The following NAV2 variants were observed in gnomAD, a reference collection of about 807,000 sequenced individuals.
NAV2 encodes neuron navigator 2.
Under a neutral mutation model 223.2 loss-of-function variants are expected in NAV2, and 54 were observed. The ratio of observed to expected loss-of-function variants is 0.24; its 90% confidence interval spans 0.19 to 0.30. The LOEUF (loss-of-function observed/expected upper bound fraction) is 0.30, where lower values mean the gene tolerates loss of function less well. Ranked by LOEUF, NAV2 falls within the 10% of genes least tolerant of loss-of-function variation. The pLI, the probability that NAV2 is intolerant of heterozygous loss-of-function variation, is 1.00. For synonymous variants in NAV2, 1,279 were observed against 1,239.3 expected (o/e 1.03, Z -0.67); for missense variants, 2,806 against 3,147.5 (o/e 0.89, Z 2.60).
chr11:19,952,500 TG>T (rs1274500286), intron 10 of NAV2, among the ~76,000 whole-genome samples: 1 of 152,208 alleles, frequency 6.6e-6, no homozygotes, highest in Non-Finnish European at 1.5e-5. Flanking sequence ...TTAAAGCTTT[TG>T]TCCAGATGTT....
At chr11:19,477,089 T>A (rs2042140713) in intron 1 of NAV2, among the ~76,000 whole-genome samples, 2 of 152,166 alleles carry the variant, frequency 1.3e-5, no homozygotes, top group African/African-American at 4.8e-5. Flanking sequence ...ATATGGCCAG[T>A]CTTGGGTCAA....
chr11:20,033,882 G>A (rs1405580448), intron 11 of NAV2, among the ~76,000 whole-genome samples: 1 of 152,190 alleles, frequency 6.6e-6, no homozygotes, highest in Admixed American at 6.5e-5. Context: ...CATTTCCCAG[G>A]TTCCACGCTG....
chr11:19,361,705 G>A (rs2133792503), intron 1 of NAV2, among the ~76,000 whole-genome samples: 1 of 152,260 alleles, frequency 6.6e-6, no homozygotes, highest in South Asian at 2.1e-4. Flanking sequence ...ATCACTGGCA[G>A]GGCCTGCCAT....
chr11:19,859,727 G>T (rs2153005662), intron 3 of NAV2, among the ~76,000 whole-genome samples: 1 of 151,716 alleles, frequency 6.6e-6, no homozygotes, highest in African/African-American at 2.4e-5. Context: ...CCGGGCAGAG[G>T]CGCCCCTCAC....
At chr11:19,593,332 C>G (rs1404843044) in intron 1 of NAV2, among the ~76,000 whole-genome samples, 1 of 152,096 alleles carries the variant, frequency 6.6e-6, no homozygotes, top group Non-Finnish European at 1.5e-5. Context: ...GTCTATAGTT[C>G]ATTCCTCTGT....
chr11:19,449,656 T>G, intron 1 of NAV2, among the ~76,000 whole-genome samples: 2 of 151,822 alleles, frequency 1.3e-5, no homozygotes, highest in Admixed American at 6.6e-5. Context: ...GTGGGGTGCT[T>G]TTGTGACTTC....
Position 19,868,968 on chromosome 11 carries a change from G to A in NAV2, c.482G>A (p.Gly161Glu). 3 of 1,614,006 alleles carry A rather than the reference G, an allele frequency of 1.9e-6. No individual in the cohort carries two copies. Among genetic ancestry groups the A allele is most frequent in the Non-Finnish European group, 1.7e-6 (2 of 1,179,948 alleles). ...TGCTTGAATTTCCTGGCAGCTAAGG[G>A]AATAAACATCCAGGGGCTGTCTGCA... ...DACLNFLAAK[G>E]INIQGLSAEE... The change falls in exon 4 of 38, where the codon GGA (glycine) becomes GAA (glutamate). Residue 161 changes from glycine (G) to glutamate (E), a missense_variant. Gly to Glu is a moderately conservative substitution (Grantham distance 98). This residue lies in a region of NAV2 where 1,167 missense variants were observed against 1,180.5 expected (regional missense o/e 0.99). Coordinates refer to ENST00000349880, the MANE Select transcript of NAV2 (RefSeq NM_145117.5).
chr11:19,825,259 T>C (rs1306240660), intron 1 of NAV2, among the ~76,000 whole-genome samples: 1 of 110,890 alleles, frequency 9.0e-6, no homozygotes, highest in Admixed American at 1.4e-4. Flanking sequence ...ACCCCTGCAC[T>C]CCAGCCTGGG....
chr11:19,869,194 C>G (rs2062296307), intron 4 of NAV2, among the ~76,000 whole-genome samples, 197 bp downstream of exon 4: 1 of 152,172 alleles, frequency 6.6e-6, no homozygotes, highest in Non-Finnish European at 1.5e-5. Flanking sequence ...TTCAACCATA[C>G]CAGCCACCTC....
At chr11:19,991,866 C>G (rs2051370386) in intron 11 of NAV2, among the ~76,000 whole-genome samples, 1 of 152,162 alleles carries the variant, frequency 6.6e-6, no homozygotes, top group African/African-American at 2.4e-5. Context: ...CTCTCTCTGA[C>G]TCTCTGTTAT....
intron 1 of NAV2, chr11:19,759,925 A>G (rs1385760774): frequency 6.5e-6 from 1 of 154,346 alleles, no homozygotes; most frequent in African/African-American, 2.4e-5. Flanking sequence ...AAGGTGGTCT[A>G]CAAATGGCAC....
chr11:19,775,683 G>C (rs2056098791), intron 1 of NAV2, among the ~76,000 whole-genome samples: 1 of 152,194 alleles, frequency 6.6e-6, no homozygotes, highest in Non-Finnish European at 1.5e-5. Flanking sequence ...AAGAGAGTGT[G>C]GGAACGAGAA....
At chr11:19,544,270 C>T (rs575707261) in intron 1 of NAV2, among the ~76,000 whole-genome samples, 3 of 152,310 alleles carry the variant, frequency 2.0e-5, no homozygotes, top group South Asian at 2.1e-4. Context: ...ACTCTAATCT[C>T]GAGTTCTTTT....
At chr11:19,946,375 A>G in intron 8 of NAV2, 26 bp from the exon 9 acceptor site, 2 of 1,592,924 alleles carry the variant, frequency 1.3e-6, no homozygotes, top group Non-Finnish European at 1.7e-6. Context: ...AGAGAATTAA[A>G]CTAGTCTTAA....
At chr11:19,595,623 T>C (rs2046185175) in intron 1 of NAV2, among the ~76,000 whole-genome samples, 1 of 151,632 alleles carries the variant, frequency 6.6e-6, no homozygotes, top group South Asian at 2.1e-4. Context: ...GGCACGATCA[T>C]GACTCACTGT....
intron 1 of NAV2, among the ~76,000 whole-genome samples, chr11:19,412,689 G>T (rs1235436897): frequency 2.6e-5 from 4 of 152,192 alleles, no homozygotes; most frequent in African/African-American, 9.7e-5. Context: ...GCTGGCATCT[G>T]GCGAGTGCCC....
chr11:19,349,297 C>A (rs1368022085), upstream of NAV2, among the ~76,000 whole-genome samples: 2 of 152,236 alleles, frequency 1.3e-5, no homozygotes, highest in African/African-American at 4.8e-5. Context: ...CCCTCTGCTG[C>A]TTCTCTCCCA....
chr11:19,517,068 G>A (rs552662474), intron 1 of NAV2, among the ~76,000 whole-genome samples: 30 of 151,530 alleles, frequency 2.0e-4, no homozygotes, highest in African/African-American at 5.3e-4. Flanking sequence ...ATAATAATAC[G>A]ATGAAATGGG....
intron 1 of NAV2, among the ~76,000 whole-genome samples, chr11:19,771,595 C>G (rs183817896): frequency 3.9e-5 from 6 of 151,958 alleles, no homozygotes; most frequent in Admixed American, 2.6e-4. Flanking sequence ...TCTGACCCCC[C>G]CCATTAGAAG....
Sources: allele counts gnomAD v4.1 joint callset (sites outside exome capture counted in the v4.1 genomes callset), GRCh38; gene constraint gnomAD v4.1.1; regional missense constraint gnomAD v4.1.1; transcripts MANE v1.5; gene names NCBI Gene and HGNC (gene_info 2026-07-23, HGNC 2026-07-21).